FANCC: variants seen among roughly 807,000 people sequenced by gnomAD.
The protein encoded by FANCC is FA complementation group C, also known as Fanconi anemia group C protein.
FANCC carries 55 observed loss-of-function variants against 71.3 expected under a neutral mutation model. The ratio of observed to expected loss-of-function variants is 0.77; its 90% CI spans 0.62 to 0.97. The LOEUF (loss-of-function observed/expected upper bound fraction) is 0.97. FANCC is among the 50% of genes least tolerant of loss of function. FANCC has a pLI of 0.00. For missense variants in FANCC, 678 were observed against 670.9 expected (o/e 1.01, Z -0.12); for synonymous variants, 275 against 244.9 (o/e 1.12, Z -1.15).
chr9:95,271,927 C>CTTTTTTTTTTTT (rs869093626), intron 1 of FANCC, among the ~76,000 whole-genome samples: 523 of 50,508 alleles, frequency 0.01, 165 homozygotes, highest in East Asian at 0.02. Flanking sequence ...CAAGCCTCTT[C>CTTTTTTTTTTTT]TTTTTTTTTT....
rs185469000 is a variant in FANCC, at chr9:95,291,091, C to T, written c.-79+26435G>A. 2.7e-4 allele frequency among the ~76,000 whole-genome samples: 41 copies of T among 152,242 alleles called. No homozygotes were observed. In the East Asian group the frequency reaches 7.7e-3, roughly 29 times the overall value. Reference sequence around the variant, plus strand: ...AGAAGGAATGTACATCAACACAAGGCCATCTGTGACAGACCCACAACTAAC... The same window carrying T: ...AGAAGGAATGTACATCAACACAAGGTCATCTGTGACAGACCCACAACTAAC... On this transcript the variant is annotated intron_variant, in intron 1 of 14. Transcript: ENST00000289081.
rs146881053 is a variant in FANCC at position 95,103,930 on chromosome 9, A to G, written c.1534-2080T>C. On this transcript the variant is annotated intron_variant, in intron 14 of 14. Coordinates refer to ENST00000289081, the MANE Select transcript of FANCC (RefSeq NM_000136.3). Reference sequence around the variant, plus strand: ...ATAGTGGCCTTTGCCTTGAGCTGGCACTGCTCTCCAAATCTGGATGCCAAG... The same window carrying G: ...ATAGTGGCCTTTGCCTTGAGCTGGCGCTGCTCTCCAAATCTGGATGCCAAG... 1.1e-4 allele frequency among the ~76,000 whole-genome samples: 16 copies of G among 152,336 alleles called. No homozygotes were observed. The East Asian group carries it at 3.1e-3, about 29-fold the overall frequency.
At chr9:95,185,889 C>T (rs1826676987) in intron 4 of FANCC, among the ~76,000 whole-genome samples, 1 of 152,246 alleles carries the variant, frequency 6.6e-6, no homozygotes, top group South Asian at 2.1e-4. Flanking sequence ...TCATAAACCA[C>T]ACTTTGAGAT....
Position 95,101,750 on chromosome 9 carries a change from T to C in FANCC, c.1634A>G (p.Lys545Arg), listed in dbSNP as rs571668582. The stretch of plus-strand genomic sequence containing the variant: ...CTCTTTAAGGAGCTCTCGGGCCAGT[T>C]TTTCTGATCTAGGGCTTTCAATGCC... The part of the protein sequence containing the change: ...RLGIESPRSE[K>R]LARELLKELR... Residue 545 changes from lysine to arginine, a missense_variant, in exon 15 of 15, where the codon AAA becomes AGA. Lys to Arg is a conservative substitution (Grantham distance 26). Transcript: ENST00000289081. The C allele has an allele frequency of 3.1e-5, 50 of 1,614,090 alleles. No individual in the cohort carries two copies. In the South Asian group the frequency reaches 5.3e-4, roughly 17 times the overall value.
intron 1 of FANCC, among the ~76,000 whole-genome samples, chr9:95,302,581 C>A (rs534167961): frequency 6.6e-6 from 1 of 152,378 alleles, no homozygotes; most frequent in Non-Finnish European, 1.5e-5. Context: ...ATGTAGGCCG[C>A]TTTCAGTGAC....
rs1246204881 is a variant in FANCC, at chr9:95,249,163, C to A, written c.129G>T (p.Glu43Asp). 6.2e-7 allele frequency: 1 copy of A among 1,613,992 alleles called. No homozygotes were observed. Among genetic ancestry groups the A allele is most frequent in the African/African-American group, 1.3e-5 (1 of 74,928 alleles). ...AGGCTTCATACATCTTCCTTAGGAA[C>A]TCCTGGAACTGAGCCACGTGAAGAC... is the stretch of plus-strand genomic sequence containing the variant. ...DTCLHVAQFQ[E>D]FLRKMYEALK... is the part of the protein sequence containing the mutation. The change falls in exon 2 of 15, where the codon GAG (glutamate) becomes GAT (aspartate). Residue 43 changes from glutamate to aspartate, a missense_variant. Coordinates refer to ENST00000289081, the MANE Select transcript of FANCC (RefSeq NM_000136.3).
chr9:95,211,319 G>A lies in FANCC; in HGVS notation c.345+29330C>T, dbSNP rs77702126. On this transcript the variant is annotated intron_variant, in intron 4 of 14. Coordinates refer to ENST00000289081, the MANE Select transcript of FANCC (RefSeq NM_000136.3). ...TAAGGCAAAGATAGCTACAATTTGA[G>A]AGCCAAGAGGAAACTAGATAGAGAA... 2.9e-4 allele frequency among the ~76,000 whole-genome samples: 44 copies of A among 152,310 alleles called. 1 individual carries two copies. In the East Asian group the frequency reaches 7.9e-3, roughly 27 times the overall value.
At chr9:95,303,770 T>C (rs370103900) in intron 1 of FANCC, among the ~76,000 whole-genome samples, 1 of 152,118 alleles carries the variant, frequency 6.6e-6, no homozygotes, top group South Asian at 2.1e-4. Context: ...TACAGTCCCA[T>C]TGGGGGTTAC....
chr9:95,302,572 T>A (rs1173227197), intron 1 of FANCC, among the ~76,000 whole-genome samples: 4 of 152,250 alleles, frequency 2.6e-5, no homozygotes, highest in Non-Finnish European at 4.4e-5. Flanking sequence ...AATTCCAGAA[T>A]GTAGGCCGCT....
At chr9:95,284,647 A>G (rs1833566416) in intron 1 of FANCC, among the ~76,000 whole-genome samples, 1 of 152,046 alleles carries the variant, frequency 6.6e-6, no homozygotes, top group Non-Finnish European at 1.5e-5. Context: ...TCACTAGCAT[A>G]CTGGGTTCTA....
intron 7 of FANCC, among the ~76,000 whole-genome samples, chr9:95,147,837 C>A (rs959384594): frequency 6.6e-6 from 1 of 152,194 alleles, no homozygotes; most frequent in Non-Finnish European, 1.5e-5. Flanking sequence ...TTCTGCCTTA[C>A]AATAGAATCT....
intron 10 of FANCC, among the ~76,000 whole-genome samples, chr9:95,121,927 A>G (rs904394129): frequency 5.1e-4 from 76 of 148,266 alleles, no homozygotes; most frequent in African/African-American, 1.9e-3. Context: ...GCGCAATCTC[A>G]GCTCACTGCA....
intron 1 of FANCC, among the ~76,000 whole-genome samples, chr9:95,282,502 C>T (rs1833438192): frequency 6.6e-6 from 1 of 152,064 alleles, no homozygotes; most frequent in African/African-American, 2.4e-5. Flanking sequence ...GTTTAACACC[C>T]TATTTTCAGC....
chr9:95,239,188 G>T (rs1830495773), intron 4 of FANCC, among the ~76,000 whole-genome samples: 2 of 152,138 alleles, frequency 1.3e-5, no homozygotes, highest in Non-Finnish European at 1.5e-5. Flanking sequence ...CAGAGCAAGT[G>T]TCCCCCTCTA....
At chr9:95,274,855 A>C (rs547735889) in intron 1 of FANCC, among the ~76,000 whole-genome samples, 35 of 152,270 alleles carry the variant, frequency 2.3e-4, no homozygotes, top group African/African-American at 8.4e-4. Context: ...GGAAAGGAGG[A>C]AAGGGATAAG....
In FANCC at chr9:95,253,772, C is replaced by T. The variant is rs1831493445; in HGVS notation, c.-78-4403G>A. 3.4e-5 allele frequency among the ~76,000 whole-genome samples: 5 copies of T among 148,188 alleles called. No individual in the cohort carries two copies. The South Asian group carries it at 1.1e-3, about 32-fold the overall frequency. ...TGCACCCATCTCCCATTGCAGAAGA[C>T]AATTTTTTCATGGACCAGGGCGGGG... On this transcript the variant is annotated intron_variant, in intron 1 of 14. Coordinates refer to ENST00000289081, the MANE Select transcript of FANCC (RefSeq NM_000136.3).
At chr9:95,228,242 T>C (rs1829751321) in intron 4 of FANCC, among the ~76,000 whole-genome samples, 1 of 152,132 alleles carries the variant, frequency 6.6e-6, no homozygotes, top group Admixed American at 6.5e-5. Flanking sequence ...GCATGACAGG[T>C]GCCACATTAC....
chr9:95,252,663 A>G (rs898354524), intron 1 of FANCC, among the ~76,000 whole-genome samples: 1 of 149,992 alleles, frequency 6.7e-6, no homozygotes, highest in African/African-American at 2.5e-5. Flanking sequence ...GGAGAATGGC[A>G]TGAACCTGGG....
intron 14 of FANCC, among the ~76,000 whole-genome samples, chr9:95,102,651 G>A (rs1289864872): frequency 2.0e-5 from 3 of 152,222 alleles, no homozygotes; most frequent in Non-Finnish European, 2.9e-5. Flanking sequence ...GGGTTGGGCC[G>A]TTCTGGGAGG....
Sources: gnomAD v4.1 joint callset for allele counts (sites outside exome capture counted in the v4.1 genomes callset) on GRCh38, gnomAD v4.1.1 for gene constraint, MANE v1.5 for transcripts, NCBI Gene and HGNC (gene_info 2026-07-23, HGNC 2026-07-21) for gene names.